The following DHRSX variants were observed in gnomAD, a reference collection of about 807,000 sequenced individuals.
DHRSX encodes dehydrogenase/reductase X-linked.
A neutral mutation model predicts 34.0 loss-of-function variants in DHRSX; 31 were observed. That is an observed-to-expected ratio of 0.91 (90% confidence interval 0.69 to 1.23). The LOEUF (loss-of-function observed/expected upper bound fraction) is 1.23. Ranked by LOEUF, DHRSX falls within the 50% of genes most tolerant of loss-of-function variation. The pLI is 0.00. For synonymous variants in DHRSX, 201 were observed against 183.8 expected (o/e 1.09, Z -0.76); for missense variants, 414 against 428.1 (o/e 0.97, Z 0.29).
chrX:2,293,579 G>A (rs191814674), intron 3 of DHRSX, among the ~76,000 whole-genome samples: 15 of 152,200 alleles, frequency 9.9e-5, no homozygotes, highest in African/African-American at 3.6e-4. Flanking sequence ...AGGTGGAAGA[G>A]CAAATCACAG....
chrX:2,466,120 T>C (rs762043781), intron 1 of DHRSX, among the ~76,000 whole-genome samples: 1 of 152,258 alleles, frequency 6.6e-6, no homozygotes, highest in Non-Finnish European at 1.5e-5. Context: ...GCATATACAC[T>C]ATGGAATACT....
intron 5 of DHRSX, among the ~76,000 whole-genome samples, chrX:2,259,790 C>T (rs1250143405): frequency 6.6e-6 from 1 of 151,682 alleles, no homozygotes; most frequent in Non-Finnish European, 1.5e-5. Flanking sequence ...TCCGTCTCCA[C>T]GTGGACTTCT....
intron 3 of DHRSX, among the ~76,000 whole-genome samples, chrX:2,300,539 A>G (rs1342969188): frequency 6.6e-6 from 1 of 152,308 alleles, no homozygotes; most frequent in Admixed American, 6.5e-5. Context: ...CCATCTAATC[A>G]GCTGCCAGCA....
intron 3 of DHRSX, among the ~76,000 whole-genome samples, chrX:2,302,612 A>AAATAAATAAATAAATAAATAAAT: frequency 6.7e-6 from 1 of 149,866 alleles, no homozygotes; most frequent in African/African-American, 2.5e-5. Flanking sequence ...ACTGTCTCAA[A>AAATAAATAAATAAATAAATAAAT]AAATAAATAA....
chrX:2,320,750 C>T (rs1220057682), intron 3 of DHRSX, among the ~76,000 whole-genome samples: 1 of 151,458 alleles, frequency 6.6e-6, no homozygotes, highest in Non-Finnish European at 1.5e-5. Context: ...GTGAATGTGG[C>T]AACCCCTCCT....
intron 3 of DHRSX, among the ~76,000 whole-genome samples, chrX:2,321,302 G>A (rs1231462552): frequency 6.6e-6 from 1 of 152,158 alleles, no homozygotes; most frequent in Non-Finnish European, 1.5e-5. Flanking sequence ...GTGTAACGCA[G>A]TATTTAAATG....
intron 1 of DHRSX, among the ~76,000 whole-genome samples, chrX:2,479,818 C>T (rs1033381406): frequency 6.6e-6 from 1 of 151,930 alleles, no homozygotes; most frequent in Non-Finnish European, 1.5e-5. Flanking sequence ...GGACTGCCAC[C>T]GTGTACACAC....
chrX:2,497,399 AAAG>A (rs781379392), intron 1 of DHRSX, among the ~76,000 whole-genome samples: 64 of 152,330 alleles, frequency 4.2e-4, no homozygotes, highest in East Asian at 1.3e-3. Flanking sequence ...GTCTCAAGAA[AAAG>A]AAGAAGAAGT....
intron 5 of DHRSX, among the ~76,000 whole-genome samples, chrX:2,257,321 AG>A (rs1342160963): frequency 1.1e-4 from 16 of 152,224 alleles, no homozygotes; most frequent in Non-Finnish European, 2.2e-4. Flanking sequence ...CAGAAAAATC[AG>A]GGAGATGGAG....
chrX:2,500,968 G>A lies in DHRSX; in HGVS notation c.-43C>T. 1.0e-6 allele frequency: 1 copy of A among 981,866 alleles called. No homozygotes were observed. The allele number at this position is 981,866 out of a possible 1,614,324, so 60.8% of individuals were successfully genotyped here. ...CGCCGCCGCTTCCGCGCCGCCCGCG[G>A]GACTCTGCGCCCGCCCGCCCGGACG... On this transcript the variant is annotated 5_prime_UTR_variant, in exon 1 of 7. Transcript: ENST00000334651.
intron 3 of DHRSX, among the ~76,000 whole-genome samples, chrX:2,337,212 T>C (rs78645926): frequency 0.29 from 43,761 of 151,980 alleles, 7,839 homozygotes; most frequent in African/African-American, 0.5. Context: ...GATTTGCGAA[T>C]AGGGTCTTGG....
At chrX:2,321,428 G>A (rs186319538) in intron 3 of DHRSX, among the ~76,000 whole-genome samples, 6 of 152,216 alleles carry the variant, frequency 3.9e-5, no homozygotes, top group Admixed American at 1.3e-4. Context: ...CTCATGTGTG[G>A]AAACCCTAAT....
At chrX:2,380,675 G>A (rs1239166833) in intron 3 of DHRSX, among the ~76,000 whole-genome samples, 7 of 151,968 alleles carry the variant, frequency 4.6e-5, no homozygotes, top group Admixed American at 6.6e-5. Context: ...GAGTTCTCAC[G>A]AGGTCTGACA....
intron 2 of DHRSX, among the ~76,000 whole-genome samples, chrX:2,412,266 T>C (rs1009421082): frequency 1.3e-5 from 2 of 152,076 alleles, no homozygotes; most frequent in Non-Finnish European, 2.9e-5. Flanking sequence ...TGGAAAACAG[T>C]GGAGATGGGG....
chrX:2,227,404 G>A (rs1219241392), intron 6 of DHRSX, among the ~76,000 whole-genome samples: 1 of 149,598 alleles, frequency 6.7e-6, no homozygotes, highest in African/African-American at 2.5e-5. Context: ...AAGGAAAGAA[G>A]GAAGCATAAT....
At chrX:2,388,976 G>A (rs188359885) in intron 3 of DHRSX, among the ~76,000 whole-genome samples, 2 of 152,338 alleles carry the variant, frequency 1.3e-5, no homozygotes, top group Admixed American at 1.3e-4. Context: ...CAGAGAGAAA[G>A]CAAGCCTACC....
At chrX:2,273,898 G>C (rs1240110697) in intron 4 of DHRSX, among the ~76,000 whole-genome samples, 1 of 152,212 alleles carries the variant, frequency 6.6e-6, no homozygotes, top group Non-Finnish European at 1.5e-5. Flanking sequence ...TCCGAGCCGT[G>C]CTAGGGACTC....
chrX:2,346,152 A>C (rs1467566240), intron 3 of DHRSX, among the ~76,000 whole-genome samples: 1 of 152,104 alleles, frequency 6.6e-6, no homozygotes, highest in Non-Finnish European at 1.5e-5. Flanking sequence ...ATTTAACTCA[A>C]ATACATGTAT....
chrX:2,252,483 T>C (rs1271690861), intron 5 of DHRSX, among the ~76,000 whole-genome samples: 2 of 152,188 alleles, frequency 1.3e-5, no homozygotes, highest in Non-Finnish European at 2.9e-5. Context: ...ATGATCGTTT[T>C]TTAAATATCA....
Sources: gnomAD v4.1 joint callset for allele counts (sites outside exome capture counted in the v4.1 genomes callset) on GRCh38, gnomAD v4.1.1 for gene constraint, MANE v1.5 for transcripts, NCBI Gene and HGNC (gene_info 2026-07-23, HGNC 2026-07-21) for gene names.